Variants in ACSBG1 observed in about 807,000 individuals in gnomAD.
ACSBG1 encodes long-chain-fatty-acid--CoA ligase ACSBG1.
ACSBG1 carries 39 observed loss-of-function variants against 80.2 expected under a neutral mutation model. The ratio of observed to expected loss-of-function variants is 0.49; its 90% confidence interval spans 0.38 to 0.64. ACSBG1 has a LOEUF of 0.64. Ranked by LOEUF, ACSBG1 falls within the 30% of genes least tolerant of loss-of-function variation. The pLI is 0.00. For synonymous variants in ACSBG1, 392 were observed against 379.5 expected (o/e 1.03, Z -0.38); for missense variants, 828 against 966.4 (o/e 0.86, Z 1.90).
chr15:78,230,539 G>C (rs533305362), intron 1 of ACSBG1, among the ~76,000 whole-genome samples: 1 of 152,210 alleles, frequency 6.6e-6, no homozygotes, highest in East Asian at 1.9e-4. Context: ...GACTGAGATA[G>C]AGCCCTTCTG....
intron 5 of ACSBG1, 77 bp downstream of exon 5, chr15:78,193,429 G>T: frequency 6.5e-7 from 1 of 1,538,548 alleles, no homozygotes; most frequent in East Asian, 2.3e-5. Context: ...AGGGCGGGAA[G>T]GTTCCGTGTG....
At chr15:78,223,422 TACC>T (rs980946091) in intron 1 of ACSBG1, among the ~76,000 whole-genome samples, 131 of 152,242 alleles carry the variant, frequency 8.6e-4, no homozygotes, top group African/African-American at 3.1e-3. Flanking sequence ...CCTGCACATG[TACC>T]ACAAAACCAA....
In ACSBG1 at chr15:78,182,099, G is replaced by A. The variant is rs1037796617; in HGVS notation, c.941C>T (p.Pro314Leu). The change falls in exon 8 of 14, where the codon CCG becomes CTG. Residue 314 changes from proline (P) to leucine (L), a missense_variant. By Grantham distance (98) the Pro-to-Leu change is moderately conservative (BLOSUM62 -3). Around this residue, in one of 3 missense-constraint regions of ACSBG1, gnomAD observed 271 missense variants for 375.9 expected, o/e 0.72. Coordinates refer to ENST00000258873, the MANE Select transcript of ACSBG1 (RefSeq NM_015162.5). Reference protein sequence around the residue: ...RYGSQAGDIRPAEVQQEVVVS... With the variant: ...RYGSQAGDIRLAEVQQEVVVS... Reference sequence around the variant, plus strand: ...TACCACCTCCTGCTGGACTTCTGCCGGCCGGATGTCACCGGCCTGGCTGCC... The same window carrying A: ...TACCACCTCCTGCTGGACTTCTGCCAGCCGGATGTCACCGGCCTGGCTGCC... 6.8e-6 allele frequency: 11 copies of A among 1,612,530 alleles called. No homozygotes were observed. The highest frequency in any genetic ancestry group is 9.3e-6 in the Non-Finnish European group (11 of 1,179,994).
intron 5 of ACSBG1, among the ~76,000 whole-genome samples, chr15:78,187,052 T>G (rs139395934): frequency 1.3e-3 from 195 of 152,174 alleles, no homozygotes; most frequent in African/African-American, 4.5e-3. Context: ...ACACCTCTAC[T>G]CAAATAAACT....
intron 1 of ACSBG1, among the ~76,000 whole-genome samples, chr15:78,231,055 T>C (rs184367181): frequency 2.6e-4 from 39 of 152,312 alleles, no homozygotes; most frequent in Non-Finnish European, 4.9e-4. Context: ...CCGGGCTCAA[T>C]TGATTTTCCC....
chr15:78,181,069 T>C, intron 8 of ACSBG1, 133 bp from the exon 9 acceptor site: 1 of 938,660 alleles, frequency 1.1e-6, no homozygotes, highest in African/African-American at 1.7e-5. Flanking sequence ...CACGCAAGGG[T>C]GGCACATACT....
chr15:78,214,453 C>A (rs2075292080), intron 1 of ACSBG1, among the ~76,000 whole-genome samples: 1 of 152,084 alleles, frequency 6.6e-6, no homozygotes, highest in African/African-American at 2.4e-5. Context: ...TTATTATTAT[C>A]TTTTGAGACA....
chr15:78,229,717 C>T (rs2075431232), intron 1 of ACSBG1, among the ~76,000 whole-genome samples: 1 of 152,142 alleles, frequency 6.6e-6, no homozygotes, highest in South Asian at 2.1e-4. Context: ...GTCCTGGCCT[C>T]CTGCCTCCAC....
At position 78,179,465 on chromosome 15, in the gene ACSBG1, G is replaced by T. The variant is rs2074917616; in HGVS notation, c.1484+85C>A. 5.5e-5 allele frequency: 71 copies of T among 1,284,670 alleles called. 2 individuals are homozygous for T. In the South Asian group the frequency reaches 9.2e-4, roughly 17 times the overall value. 79.6% of individuals were successfully genotyped at this position (1,284,670 alleles called of 1,614,324 possible). On this transcript the variant is annotated intron_variant, in intron 10 of 13. Coordinates refer to ENST00000258873, the MANE Select transcript of ACSBG1 (RefSeq NM_015162.5). ...ACCCAACTGGCATGCAAAGAGAAGG[G>T]GATCCCCAGGGCACTCAGCAGGCGG...
At chr15:78,206,571 C>T (rs16969575) in intron 2 of ACSBG1, among the ~76,000 whole-genome samples, 9,352 of 152,240 alleles carry the variant, frequency 0.061, 732 homozygotes, top group African/African-American at 0.17. Flanking sequence ...GGCCTTGTCA[C>T]CTCCCTTACA....
intron 1 of ACSBG1, among the ~76,000 whole-genome samples, chr15:78,232,782 T>A (rs2075457999): frequency 6.6e-6 from 1 of 151,958 alleles, no homozygotes; most frequent in East Asian, 1.9e-4. Context: ...CCTCCCGGGT[T>A]CAAGCAATTC....
intron 5 of ACSBG1, among the ~76,000 whole-genome samples, chr15:78,187,867 G>A (rs1347960537): frequency 3.2e-4 from 48 of 152,114 alleles, no homozygotes; most frequent in African/African-American, 7.7e-4. Context: ...TTCAATTAGG[G>A]AAAGAGGAAG....
At chr15:78,230,652 C>G (rs898733852) in intron 1 of ACSBG1, among the ~76,000 whole-genome samples, 1 of 152,166 alleles carries the variant, frequency 6.6e-6, no homozygotes, top group African/African-American at 2.4e-5. Context: ...AGGTCCTTCC[C>G]GTGCTGTTCT....
chr15:78,228,203 AG>A (rs1362816544), intron 1 of ACSBG1, among the ~76,000 whole-genome samples: 1 of 152,116 alleles, frequency 6.6e-6, no homozygotes, highest in Non-Finnish European at 1.5e-5. Flanking sequence ...CTCCTTTCCA[AG>A]GAGCCAGAAT....
intron 1 of ACSBG1, among the ~76,000 whole-genome samples, chr15:78,224,150 G>A (rs781160229): frequency 4.6e-5 from 7 of 152,140 alleles, no homozygotes; most frequent in East Asian, 1.9e-4. Flanking sequence ...TCACACATCC[G>A]GTGAGAAACA....
rs577572725 is a variant in ACSBG1, at chr15:78,167,603, C to T, written c.*3841G>A. 4 of 152,226 alleles carry T rather than the reference C, an allele frequency of 2.6e-5. No individual in the cohort carries two copies. Among genetic ancestry groups the T allele is most frequent in the Admixed American group, 6.5e-5 (1 of 15,282 alleles). The allele number at this position is 152,226 out of a possible 1,614,324, so 9.4% of individuals were successfully genotyped here. A position where few individuals can be genotyped will look rare whatever the true frequency, so the allele number is the denominator to read the frequency against. On this transcript the variant is annotated 3_prime_UTR_variant, in exon 14 of 14. Coordinates refer to ENST00000258873, the MANE Select transcript of ACSBG1 (RefSeq NM_015162.5). ...TTGTAATGTAACCATCACCATCAGTCATCTCCAGACCAGTTTCATTTTCTC... is the reference window on the plus strand; with the variant it reads ...TTGTAATGTAACCATCACCATCAGTTATCTCCAGACCAGTTTCATTTTCTC...
intron 4 of ACSBG1, 120 bp downstream of exon 4, chr15:78,193,812 C>A: frequency 6.9e-7 from 1 of 1,452,232 alleles, no homozygotes; most frequent in Non-Finnish European, 9.4e-7. Flanking sequence ...CAGAAGGCCC[C>A]AGGGAGGAGG....
At chr15:78,210,666 T>C (rs1397377241) in intron 1 of ACSBG1, among the ~76,000 whole-genome samples, 1 of 152,190 alleles carries the variant, frequency 6.6e-6, no homozygotes, top group Non-Finnish European at 1.5e-5. Flanking sequence ...CAGGCTGGAG[T>C]GCAGGGGCAC....
At chr15:78,173,496 CTT>C (rs2074848251) in intron 13 of ACSBG1, 95 bp downstream of exon 13, 3 of 1,521,318 alleles carry the variant, frequency 2.0e-6, no homozygotes, top group African/African-American at 1.4e-5. Context: ...ATGACCTTCT[CTT>C]TGCCGTGGCT....
Sources: allele counts gnomAD v4.1 joint callset (sites outside exome capture counted in the v4.1 genomes callset), GRCh38; gene constraint gnomAD v4.1.1; regional missense constraint gnomAD v4.1.1; transcripts MANE v1.5; gene names NCBI Gene and HGNC (gene_info 2026-07-23, HGNC 2026-07-21).